DPYSL4: variants seen among roughly 807,000 people sequenced by gnomAD.
DPYSL4 encodes the protein dihydropyrimidinase like 4.
A neutral mutation model predicts 63.4 loss-of-function variants in DPYSL4; 43 were observed. The ratio of observed to expected loss-of-function variants is 0.68; its 90% CI spans 0.53 to 0.88. The LOEUF (loss-of-function observed/expected upper bound fraction) is 0.88. DPYSL4 is among the 40% of genes least tolerant of loss of function. The probability of loss-of-function intolerance (pLI) is 0.00; values close to 1 mark genes in which losing one functional copy is unlikely to be tolerated. For missense variants in DPYSL4, 733 were observed against 819.5 expected, an observed-to-expected ratio of 0.89 and a Z score of 1.29; for synonymous variants, 353 against 331.7, an observed-to-expected ratio of 1.06 and a Z score of -0.70.
rs1013266367 is a variant in DPYSL4 at position 132,204,695 on chromosome 10, C to G, written c.1628-144C>G. ...GGAGTCCTGCCGGGCACCTGGTCTG[C>G]TTGGCCTTCTGGTGGTGGCAGGTGT... On this transcript the variant is annotated intron_variant, in intron 13 of 13. Transcript: ENST00000338492. The G allele has an allele frequency of 6.5e-6, 4 of 612,520 alleles. No homozygotes were observed. In the African/African-American group the frequency reaches 7.6e-5, roughly 12 times the overall value. The allele number at this position is 612,520 out of a possible 1,614,324, so 37.9% of individuals were successfully genotyped here.
At position 132,205,744 on chromosome 10, in the gene DPYSL4, G is replaced by C. The variant is rs2062090099; in HGVS notation, c.*814G>C. 1 of 152,362 alleles carries C rather than the reference G, an allele frequency of 6.6e-6. No homozygotes were observed. Among genetic ancestry groups the C allele is most frequent in the Non-Finnish European group, 1.5e-5 (1 of 68,142 alleles). The allele number at this position is 152,362 out of a possible 1,614,324, so 9.4% of individuals were successfully genotyped here. Reference sequence around the variant, plus strand: ...TCTGATGTGAATCAGGCCCATTAAAGACGTCTGGGTTTGAAGCCGCCTGTG... The same window carrying C: ...TCTGATGTGAATCAGGCCCATTAAACACGTCTGGGTTTGAAGCCGCCTGTG... On this transcript the variant is annotated 3_prime_UTR_variant, in exon 14 of 14. Coordinates refer to ENST00000338492, the MANE Select transcript of DPYSL4 (RefSeq NM_006426.3).
intron 1 of DPYSL4, among the ~76,000 whole-genome samples, chr10:132,187,557 C>A (rs1453647516): frequency 6.6e-6 from 1 of 152,158 alleles, no homozygotes; most frequent in Non-Finnish European, 1.5e-5. Flanking sequence ...GGGGAGATGC[C>A]GTTCCCGGCG....
chr10:132,198,673 C>A (rs1430339027), intron 7 of DPYSL4, among the ~76,000 whole-genome samples, 178 bp from the exon 8 acceptor site: 2 of 152,238 alleles, frequency 1.3e-5, no homozygotes, highest in African/African-American at 2.4e-5. Context: ...ACAGCCTGTA[C>A]CCGAGGCCCA....
intron 8 of DPYSL4, 33 bp from the exon 9 acceptor site, chr10:132,200,323 G>A (rs775765725): frequency 1.1e-5 from 17 of 1,609,772 alleles, no homozygotes; most frequent in Admixed American, 5.0e-5. Flanking sequence ...GCAGGTGGTC[G>A]GTGGGGCACC....
chr10:132,193,928 C>T (rs2061908389), intron 3 of DPYSL4, among the ~76,000 whole-genome samples: 1 of 152,268 alleles, frequency 6.6e-6, no homozygotes, highest in African/African-American at 2.4e-5. Context: ...GCCCATCTTG[C>T]AGTCTGAGGA....
At position 132,199,763 on chromosome 10, in the gene DPYSL4, C is replaced by CA. The variant is rs146544477; in HGVS notation, c.812-592dup. On this transcript the variant is annotated intron_variant, in intron 8 of 13. Transcript: ENST00000338492. ...TCGAGGGTTGAAACTGAAACCCACT[C>CA]AGTTAACTGGGAAAAGGACTCTGAG... is the stretch of plus-strand genomic sequence containing the variant. Among the ~76,000 whole-genome samples, 319 of 152,150 alleles carry CA rather than the reference C, an allele frequency of 2.1e-3. 5 individuals are homozygous for CA. Among genetic ancestry groups the CA allele is most frequent in the East Asian group, 0.019 (96 of 5,154 alleles).
rs2061807719 is a variant in DPYSL4, at chr10:132,187,215, G to A, written c.39+113G>A. ...GTGGGTGGGGGGTCCCTGCCTTTGC[G>A]TCTGGTCCCTGTCCTGGCGCCCGCC... On this transcript the variant is annotated intron_variant, in intron 1 of 13. Transcript: ENST00000338492. The A allele has an allele frequency of 8.3e-6, 6 of 722,344 alleles. No homozygotes were observed. The Admixed American group carries it at 1.3e-4, about 15-fold the overall frequency. 44.7% of individuals were successfully genotyped at this position (722,344 alleles called of 1,614,324 possible). A position where few individuals can be genotyped will look rare whatever the true frequency, so the allele number is the denominator to read the frequency against.
chr10:132,191,268 C>G (rs1260636091), intron 2 of DPYSL4, among the ~76,000 whole-genome samples: 15 of 121,624 alleles, frequency 1.2e-4, no homozygotes, highest in Non-Finnish European at 2.6e-4. Flanking sequence ...TGTGTACACG[C>G]TGGCCACGTG....
intron 13 of DPYSL4, 43 bp downstream of exon 13, chr10:132,203,970 C>G (rs756948302): frequency 1.3e-6 from 2 of 1,563,016 alleles, no homozygotes; most frequent in Middle Eastern, 1.7e-4. Context: ...GGGGCTCTGC[C>G]GGAGCATCCA....
chr10:132,187,335 G>GGCCCGGCCCT lies in DPYSL4; in HGVS notation c.39+247_39+256dup, dbSNP rs1554965555. Among the ~76,000 whole-genome samples, 137 of 35,322 alleles carry GGCCCGGCCCT rather than the reference G, an allele frequency of 3.9e-3. 1 individual carries two copies. The highest frequency in any genetic ancestry group is 0.013 in the Middle Eastern group (1 of 80). 23.2% of individuals were successfully genotyped at this position (35,322 alleles called of 152,430 possible). A position where few individuals can be genotyped will look rare whatever the true frequency, so the allele number is the denominator to read the frequency against. On this transcript the variant is annotated intron_variant, in intron 1 of 13. Transcript: ENST00000338492. ...GGAGCGGGGCGCCCAGGCCCGGCCC[G>GGCCCGGCCCT]GCCCGGCCCTGCCCGGCCCTGCCGG...
intron 2 of DPYSL4, among the ~76,000 whole-genome samples, chr10:132,191,331 G>A (rs1228307855): frequency 1.4e-5 from 2 of 146,398 alleles, no homozygotes; most frequent in African/African-American, 2.6e-5. Context: ...CACTGGCCAC[G>A]TGGTATCCAG....
At chr10:132,195,262 G>C (rs150718138) in intron 4 of DPYSL4, among the ~76,000 whole-genome samples, 2 of 152,172 alleles carry the variant, frequency 1.3e-5, no homozygotes. Flanking sequence ...CAGATCCGTC[G>C]TTTCTTAGAA....
chr10:132,187,893 C>G (rs75098199), intron 1 of DPYSL4, among the ~76,000 whole-genome samples: 4,831 of 152,266 alleles, frequency 0.032, 167 homozygotes, highest in South Asian at 0.14. Context: ...CTTCGGGACC[C>G]GGCAGGACCT....
At chr10:132,192,393 G>A (rs965866825) in intron 2 of DPYSL4, 3 of 1,116,366 alleles carry the variant, frequency 2.7e-6, no homozygotes, top group African/African-American at 3.2e-5. Flanking sequence ...AGTCAAAAAA[G>A]TACCAACCAG....
At position 132,200,997 on chromosome 10, in the gene DPYSL4, TGGCCGG is replaced by T. The variant is rs2062009281; in HGVS notation, c.1110+18_1110+23del. Reference sequence around the variant, plus strand: ...GAGAAATGTGTGGTGAGCACAGGCCTGGCCGGGGCACGCCGTCTGGGGAGCGGCTGT... The same window carrying T: ...GAGAAATGTGTGGTGAGCACAGGCCTGGCACGCCGTCTGGGGAGCGGCTGT... On this transcript the variant is annotated intron_variant, in intron 10 of 13. Transcript: ENST00000338492. 6.2e-7 allele frequency: 1 copy of T among 1,611,694 alleles called. No homozygotes were observed. The highest frequency in any genetic ancestry group is 1.7e-5 in the Admixed American group (1 of 59,878).
chr10:132,198,438 C>T lies in DPYSL4; in HGVS notation c.645C>T (p.Leu215=), dbSNP rs778869127. ...VEEEQKRLLE[L]GITGPEGHVL... ...AGGAGCAGAAGCGGTTGCTGGAGCT[C>T]GGCATCACTGGCCCCGAGGGCCACG... Residue 215 remains leucine (L), a synonymous_variant, in exon 7 of 14, where the codon CTC becomes CTT. Transcript: ENST00000338492. 3.2e-5 allele frequency: 51 copies of T among 1,607,080 alleles called. 1 individual carries two copies. Among genetic ancestry groups the T allele is most frequent in the South Asian group, 3.1e-4 (28 of 89,706 alleles).
chr10:132,199,231 GT>G (rs1281231959), intron 8 of DPYSL4, among the ~76,000 whole-genome samples: 3 of 152,196 alleles, frequency 2.0e-5, no homozygotes, highest in African/African-American at 7.2e-5. Context: ...CCCATTTCCA[GT>G]GGGGGTGGGT....
intron 6 of DPYSL4, among the ~76,000 whole-genome samples, chr10:132,198,059 T>A (rs1245295597): frequency 6.6e-6 from 1 of 152,148 alleles, no homozygotes; most frequent in Non-Finnish European, 1.5e-5. Flanking sequence ...ATTCCTGACC[T>A]GCAGAGCCCT....
intron 7 of DPYSL4, 93 bp downstream of exon 7, chr10:132,198,576 C>G: frequency 7.5e-7 from 1 of 1,337,738 alleles, no homozygotes; most frequent in Non-Finnish European, 1.0e-6. Flanking sequence ...GGGCTCCTGG[C>G]CCTGCCACTG....
Sources: gnomAD v4.1 joint callset for allele counts (sites outside exome capture counted in the v4.1 genomes callset) on GRCh38, gnomAD v4.1.1 for gene constraint, MANE v1.5 for transcripts, NCBI Gene and HGNC (gene_info 2026-07-23, HGNC 2026-07-21) for gene names.